PLPPR4: variants seen among roughly 807,000 people sequenced by gnomAD.
PLPPR4 encodes phospholipid phosphatase-related protein type 4.
In PLPPR4, 24 loss-of-function variants were observed where a neutral mutation model predicts 56.6. That is an observed-to-expected ratio of 0.42 (90% CI 0.31 to 0.60). The LOEUF is 0.60. PLPPR4 is among the 20% of genes least tolerant of loss of function. PLPPR4 has a pLI of 0.13. For missense variants in PLPPR4, 654 were observed against 885.8 expected (o/e 0.74, Z 3.32); for synonymous variants, 326 against 328.1 (o/e 0.99, Z 0.07).
chr1:99,300,987 TG>T (rs1557782603), intron 5 of PLPPR4, 21 bp downstream of exon 5: 6 of 1,600,900 alleles, frequency 3.7e-6, no homozygotes, highest in Non-Finnish European at 5.1e-6. Flanking sequence ...GGTTCTTTTT[TG>T]TTAAGTTGTG....
intron 6 of PLPPR4, among the ~76,000 whole-genome samples, chr1:99,302,407 A>G (rs535988154): frequency 4.0e-4 from 61 of 152,206 alleles, no homozygotes; most frequent in African/African-American, 1.4e-3. Flanking sequence ...TCATTTTGTC[A>G]TGCATGCATG....
intron 2 of PLPPR4, among the ~76,000 whole-genome samples, chr1:99,296,327 G>A (rs1270612355): frequency 6.6e-6 from 1 of 152,160 alleles, no homozygotes; most frequent in Non-Finnish European, 1.5e-5. Flanking sequence ...ACCTACATAT[G>A]GGTAGTGGCT....
At chr1:99,284,208 G>A (rs1419044279) in intron 1 of PLPPR4, among the ~76,000 whole-genome samples, 1 of 152,068 alleles carries the variant, frequency 6.6e-6, no homozygotes, top group Non-Finnish European at 1.5e-5. Flanking sequence ...AAAATCTGTT[G>A]TTGAGCATTT....
chr1:99,295,129 G>T (rs1296107018), intron 2 of PLPPR4, among the ~76,000 whole-genome samples: 1 of 152,084 alleles, frequency 6.6e-6, no homozygotes, highest in East Asian at 1.9e-4. Flanking sequence ...AGCATCCAAT[G>T]GTTTGAAATG....
At chr1:99,288,188 G>C in intron 2 of PLPPR4, 38 bp downstream of exon 2, 1 of 1,577,376 alleles carries the variant, frequency 6.3e-7, no homozygotes, top group Non-Finnish European at 8.6e-7. Flanking sequence ...ATCTGTCCTG[G>C]AAAACTAAAA....
At position 99,306,086 on chromosome 1, in the gene PLPPR4, A is replaced by T. The variant is rs1209159868; in HGVS notation, c.1224A>T (p.Glu408Asp). The T allele has an allele frequency of 1.9e-6, 3 of 1,614,010 alleles. No homozygotes were observed. In the African/African-American group the frequency reaches 4.0e-5, roughly 22 times the overall value. ...TCACCCAGTGGAAGAATAAGAATGA[A>T]AGTCGAAAGTTGTCCTTGCAAGTTA... ...QLLTQWKNKN[E>D]SRKLSLQVIE... The change falls in exon 7 of 7, where the codon GAA becomes GAT. Residue 408 changes from glutamate (E) to aspartate (D), a missense_variant. Around this residue, in one of 2 missense-constraint regions of PLPPR4, gnomAD observed 468 missense variants for 554.3 expected, o/e 0.84. Coordinates refer to ENST00000370185, the MANE Select transcript of PLPPR4 (RefSeq NM_014839.5). This position sits in a 1 kb window ranked among gnomAD's most constrained non-coding sequence, Gnocchi z 4.0.
At chr1:99,292,462 C>T (rs987510842) in intron 2 of PLPPR4, among the ~76,000 whole-genome samples, 1 of 152,174 alleles carries the variant, frequency 6.6e-6, no homozygotes, top group Non-Finnish European at 1.5e-5. Flanking sequence ...ACCAGGCTGA[C>T]GTAGGAAGTC....
Position 99,306,337 on chromosome 1 carries a change from C to T in PLPPR4, c.1475C>T (p.Thr492Ile), listed in dbSNP as rs751937040. The change falls in exon 7 of 7, where the codon ACT becomes ATT. Residue 492 changes from threonine to isoleucine, a missense_variant. This residue lies in a region of PLPPR4 where 468 missense variants were observed against 554.3 expected (regional missense o/e 0.84). Coordinates refer to ENST00000370185, the MANE Select transcript of PLPPR4 (RefSeq NM_014839.5). The surrounding 1 kb of genome is among the most constrained non-coding windows in gnomAD (Gnocchi z 4.0). The stretch of plus-strand genomic sequence containing the variant: ...CAGTTGGTGCACATCCCTGAGGAGA[C>T]TCAGGAAAACATAAGCACCTCCCCC... The part of the protein sequence containing the change: ...SSQLVHIPEE[T>I]QENISTSPKS... 1.9e-6 allele frequency: 3 copies of T among 1,614,142 alleles called. No individual in the cohort carries two copies. Among genetic ancestry groups the T allele is most frequent in the South Asian group, 2.2e-5 (2 of 91,086 alleles).
Position 99,306,348 on chromosome 1 carries a change from A to T in PLPPR4, c.1486A>T (p.Ile496Leu), listed in dbSNP as rs1458056132. The T allele has an allele frequency of 2.5e-6, 4 of 1,614,036 alleles. No homozygotes were observed. Among genetic ancestry groups the T allele is most frequent in the Non-Finnish European group, 3.4e-6 (4 of 1,180,034 alleles). ...VHIPEETQEN[I>L]STSPKSSSAR... ...CATCCCTGAGGAGACTCAGGAAAAC[A>T]TAAGCACCTCCCCCAAAAGCAGCTC... Residue 496 changes from isoleucine to leucine, a missense_variant, in exon 7 of 7, where the codon ATA becomes TTA. Physicochemically the swap from Ile to Leu is conservative, Grantham distance 5. Around this residue, in one of 2 missense-constraint regions of PLPPR4, gnomAD observed 468 missense variants for 554.3 expected, o/e 0.84. Coordinates refer to ENST00000370185, the MANE Select transcript of PLPPR4 (RefSeq NM_014839.5). The surrounding 1 kb of genome is among the most constrained non-coding windows in gnomAD (Gnocchi z 4.0).
chr1:99,269,874 A>G (rs1659005145), intron 1 of PLPPR4, among the ~76,000 whole-genome samples: 1 of 152,212 alleles, frequency 6.6e-6, no homozygotes, highest in African/African-American at 2.4e-5. Flanking sequence ...ATGTACAAAT[A>G]CACATGGAGT....
intron 6 of PLPPR4, among the ~76,000 whole-genome samples, chr1:99,302,478 G>A (rs1163725305): frequency 6.6e-6 from 1 of 150,576 alleles, no homozygotes; most frequent in East Asian, 1.9e-4. Context: ...ACTGAACATT[G>A]TAACACTGAG....
chr1:99,293,601 ATC>A (rs1331183050), intron 2 of PLPPR4, among the ~76,000 whole-genome samples: 3 of 152,330 alleles, frequency 2.0e-5, no homozygotes, highest in South Asian at 4.1e-4. Context: ...GAATTAATAT[ATC>A]TAATTTTATA....
At chr1:99,304,690 G>A (rs1170698166) in intron 6 of PLPPR4, among the ~76,000 whole-genome samples, 1 of 152,154 alleles carries the variant, frequency 6.6e-6, no homozygotes, top group Non-Finnish European at 1.5e-5. Flanking sequence ...TCAGTTCTAA[G>A]CCAATGCTTT....
chr1:99,268,980 G>A (rs966626952), intron 1 of PLPPR4, among the ~76,000 whole-genome samples: 1 of 152,152 alleles, frequency 6.6e-6, no homozygotes, highest in Admixed American at 6.5e-5. Flanking sequence ...AGAACATGCA[G>A]TTTTGTTACA....
intron 1 of PLPPR4, among the ~76,000 whole-genome samples, chr1:99,283,551 T>C (rs969376057): frequency 6.6e-6 from 1 of 152,228 alleles, no homozygotes; most frequent in African/African-American, 2.4e-5. Flanking sequence ...ATTTTTCTTC[T>C]GGTTCCTCAG....
At chr1:99,292,130 C>T (rs963518058) in intron 2 of PLPPR4, among the ~76,000 whole-genome samples, 4 of 152,206 alleles carry the variant, frequency 2.6e-5, no homozygotes, top group Non-Finnish European at 2.9e-5. Context: ...GATATGTAAT[C>T]ATTGAAACAA....
At chr1:99,298,929 A>G (rs752673658) in intron 3 of PLPPR4, 106 bp from the exon 4 acceptor site, 1 of 832,096 alleles carries the variant, frequency 1.2e-6, no homozygotes, top group South Asian at 1.4e-5. Flanking sequence ...CTTAGAGAAA[A>G]TGAACACAAT....
intron 2 of PLPPR4, among the ~76,000 whole-genome samples, chr1:99,292,773 C>G (rs1012108811): frequency 2.0e-5 from 3 of 152,118 alleles, no homozygotes; most frequent in Admixed American, 6.6e-5. Flanking sequence ...AGATTTCACT[C>G]TACTTTCATT....
chr1:99,303,975 T>A (rs1366098409), intron 6 of PLPPR4, among the ~76,000 whole-genome samples: 1 of 152,210 alleles, frequency 6.6e-6, no homozygotes, highest in Non-Finnish European at 1.5e-5. Flanking sequence ...AGCATGGGAT[T>A]TATAGTGCAA....
Sources: allele counts gnomAD v4.1 joint callset (sites outside exome capture counted in the v4.1 genomes callset), GRCh38; gene constraint gnomAD v4.1.1; regional missense constraint gnomAD v4.1.1; non-coding constraint Gnocchi (gnomAD v3.1); transcripts MANE v1.5; gene names NCBI Gene and HGNC (gene_info 2026-07-23, HGNC 2026-07-21).